Variants in EHMT1 observed in about 807,000 individuals in gnomAD.
EHMT1 encodes the protein euchromatic histone lysine methyltransferase 1.
EHMT1 carries 15 observed loss-of-function variants against 147.2 expected under a neutral mutation model. The observed-to-expected ratio is 0.10, with a 90% CI of 0.07 to 0.16. The LOEUF (loss-of-function observed/expected upper bound fraction) is 0.16, where lower values mean the gene tolerates loss of function less well. Ranked by LOEUF, EHMT1 falls within the 10% of genes least tolerant of loss-of-function variation. The pLI, the probability that EHMT1 is intolerant of heterozygous loss-of-function variation, is 1.00. For synonymous variants in EHMT1, 795 were observed against 709.6 expected, an observed-to-expected ratio of 1.12 and a Z score of -1.91; for missense variants, 1,587 against 1,772.4, an observed-to-expected ratio of 0.90 and a Z score of 1.88.
intron 16 of EHMT1, among the ~76,000 whole-genome samples, chr9:137,793,468 G>A (rs549936021): frequency 6.6e-6 from 1 of 152,372 alleles, no homozygotes; most frequent in African/African-American, 2.4e-5. Flanking sequence ...CAGCCATTGT[G>A]GAAACCAGTC....
At chr9:137,744,566 C>T (rs1021147956) in intron 6 of EHMT1, among the ~76,000 whole-genome samples, 2 of 152,212 alleles carry the variant, frequency 1.3e-5, no homozygotes, top group Admixed American at 6.5e-5. Context: ...GTGATCCTCC[C>T]GCCTCAGTCT....
chr9:137,691,231 A>C (rs559170255), intron 1 of EHMT1, among the ~76,000 whole-genome samples: 17 of 152,010 alleles, frequency 1.1e-4, no homozygotes, highest in African/African-American at 4.1e-4. Context: ...CTCATAGCAT[A>C]ATGTCCTTAA....
chr9:137,698,937 TAA>T (rs11427653), intron 1 of EHMT1, among the ~76,000 whole-genome samples: 1 of 146,964 alleles, frequency 6.8e-6, no homozygotes. Context: ...ATTGTTTATT[TAA>T]AAAAAAAAAA....
chr9:137,635,636 T>G lies in EHMT1; in HGVS notation c.21+16587T>G, dbSNP rs776740542. 1.3e-5 allele frequency among the ~76,000 whole-genome samples: 2 copies of G among 150,854 alleles called. 1 individual carries two copies. The highest frequency in any genetic ancestry group is 4.2e-4 in the South Asian group (2 of 4,730). ...GAGATCGAGACCATCCTGGCTAACA[T>G]GGTGAAACCCCGTCTCTACTAAAAA... On this transcript the variant is annotated intron_variant, in intron 1 of 26. Coordinates refer to ENST00000460843, the MANE Select transcript of EHMT1 (RefSeq NM_024757.5).
At chr9:137,628,129 A>G (rs560688531) in intron 1 of EHMT1, among the ~76,000 whole-genome samples, 2 of 152,290 alleles carry the variant, frequency 1.3e-5, no homozygotes, top group South Asian at 4.1e-4. Flanking sequence ...TTTTGCCCGC[A>G]TTCCCCTTTG....
At chr9:137,737,959 C>G (rs551151814) in intron 4 of EHMT1, among the ~76,000 whole-genome samples, 1 of 152,092 alleles carries the variant, frequency 6.6e-6, no homozygotes, top group Admixed American at 6.5e-5. Context: ...TTTGGGAGGC[C>G]GAGGCAGGCA....
intron 1 of EHMT1, among the ~76,000 whole-genome samples, chr9:137,671,059 T>A (rs1940560856): frequency 6.6e-6 from 1 of 152,222 alleles, no homozygotes; most frequent in Non-Finnish European, 1.5e-5. Flanking sequence ...GGCCGTGAGC[T>A]GTGTCAGAAC....
intron 3 of EHMT1, among the ~76,000 whole-genome samples, chr9:137,722,898 T>C (rs879756138): frequency 1.2e-3 from 151 of 123,092 alleles, no homozygotes; most frequent in Middle Eastern, 0.012. Flanking sequence ...TGTCTGTGTC[T>C]GTGGTTCTGG....
chr9:137,758,936 G>A (rs1949589096), intron 9 of EHMT1, among the ~76,000 whole-genome samples: 1 of 152,030 alleles, frequency 6.6e-6, no homozygotes, highest in African/African-American at 2.4e-5. Context: ...GACCATCCTG[G>A]CTGACATGAT....
At chr9:137,669,383 C>A (rs1940189075) in intron 1 of EHMT1, among the ~76,000 whole-genome samples, 1 of 151,938 alleles carries the variant, frequency 6.6e-6, no homozygotes, top group African/African-American at 2.4e-5. Flanking sequence ...CACTGGACTC[C>A]ACCCAAGACG....
intron 8 of EHMT1, among the ~76,000 whole-genome samples, chr9:137,755,989 C>T (rs1414074927): frequency 6.6e-6 from 1 of 152,178 alleles, no homozygotes; most frequent in Admixed American, 6.5e-5. Flanking sequence ...TGTACCTAGT[C>T]TCTGACCTGC....
intron 10 of EHMT1, among the ~76,000 whole-genome samples, chr9:137,766,823 A>G (rs1004029200): frequency 6.6e-6 from 1 of 151,812 alleles, no homozygotes; most frequent in Non-Finnish European, 1.5e-5. Flanking sequence ...ATAAAGAAAA[A>G]TTTTGCTTTA....
At chr9:137,700,516 G>A (rs541686504) in intron 1 of EHMT1, among the ~76,000 whole-genome samples, 58 of 152,318 alleles carry the variant, frequency 3.8e-4, no homozygotes, top group Non-Finnish European at 7.1e-4. Flanking sequence ...AAGGATGGTG[G>A]AGTCCAGCTC....
intron 15 of EHMT1, chr9:137,788,012 G>C (rs1952133417): frequency 6.9e-7 from 1 of 1,441,948 alleles, no homozygotes; most frequent in Admixed American, 1.8e-5. Context: ...GGAGAGGCCA[G>C]GCCCTAGGCT....
intron 1 of EHMT1, among the ~76,000 whole-genome samples, chr9:137,705,568 A>G (rs1328270874): frequency 6.6e-6 from 1 of 152,214 alleles, no homozygotes; most frequent in Admixed American, 6.5e-5. Context: ...TTGTGGCACT[A>G]AAAATGTAAG....
At chr9:137,803,011 G>A (rs1474717868) in intron 18 of EHMT1, 5 of 1,231,538 alleles carry the variant, frequency 4.1e-6, no homozygotes, top group Non-Finnish European at 5.1e-6. Flanking sequence ...CCACCCCCAG[G>A]TGGGGCCACC....
chr9:137,776,872 C>T lies in EHMT1; in HGVS notation c.2018+28C>T. ...ACCTGGCACAGGCTCTGGCTGGGCT[C>T]TCCAGTCGTCCACCTGAAAAAGTTT... is the stretch of plus-strand genomic sequence containing the variant. On this transcript the variant is annotated intron_variant, in intron 12 of 26. Transcript: ENST00000460843. The surrounding 1 kb of genome is among the most constrained non-coding windows in gnomAD (Gnocchi z 4.4). The T allele has an allele frequency of 6.2e-7, 1 of 1,607,018 alleles. No homozygotes were observed. Among genetic ancestry groups the T allele is most frequent in the Non-Finnish European group, 8.5e-7 (1 of 1,174,974 alleles).
chr9:137,744,195 C>T (rs1948355498), intron 6 of EHMT1, 105 bp downstream of exon 6: 1 of 1,227,894 alleles, frequency 8.1e-7, no homozygotes, highest in Admixed American at 2.0e-5. Flanking sequence ...TGATAAAATC[C>T]CCTGTTTACA....
chr9:137,803,181 CAA>C, intron 18 of EHMT1: 1 of 1,212,546 alleles, frequency 8.2e-7, no homozygotes, highest in Non-Finnish European at 1.0e-6. Flanking sequence ...GATTAAATTT[CAA>C]GTTTGTTATT....
Sources: allele counts gnomAD v4.1 joint callset (sites outside exome capture counted in the v4.1 genomes callset), GRCh38; gene constraint gnomAD v4.1.1; non-coding constraint Gnocchi (gnomAD v3.1); transcripts MANE v1.5; gene names NCBI Gene and HGNC (gene_info 2026-07-23, HGNC 2026-07-21).